STAU2: variants seen among roughly 807,000 people sequenced by gnomAD.
The protein encoded by STAU2 is double-stranded RNA-binding protein Staufen homolog 2.
In STAU2, 20 loss-of-function variants were observed where a neutral mutation model predicts 65.9. That is an observed-to-expected ratio of 0.30 (90% CI 0.21 to 0.44). STAU2 has a LOEUF of 0.44. Among genes scored for constraint, STAU2 ranks in the 20% least tolerant of loss-of-function variants. The pLI is 1.00. For synonymous variants in STAU2, 232 were observed against 233.9 expected (o/e 0.99, Z 0.07); for missense variants, 558 against 683.9 (o/e 0.82, Z 2.05).
At chr8:73,463,155 C>T (rs959038264) in intron 13 of STAU2, among the ~76,000 whole-genome samples, 1 of 152,148 alleles carries the variant, frequency 6.6e-6, no homozygotes, top group African/African-American at 2.4e-5. Context: ...TAGAAAGTGA[C>T]AAGATGAACA....
intron 12 of STAU2, among the ~76,000 whole-genome samples, chr8:73,566,274 T>C (rs1011042178): frequency 6.6e-6 from 1 of 152,224 alleles, no homozygotes; most frequent in African/African-American, 2.4e-5. Flanking sequence ...AATTTGACTA[T>C]TACTAAAGTT....
intron 13 of STAU2, among the ~76,000 whole-genome samples, chr8:73,443,479 A>G (rs1401531576): frequency 3.3e-5 from 5 of 152,220 alleles, no homozygotes; most frequent in African/African-American, 1.2e-4. Context: ...TGTAAGTAGT[A>G]GTCATAGTGT....
intron 6 of STAU2, among the ~76,000 whole-genome samples, chr8:73,654,664 A>AAAAAAAAAAAAAAAAAAAAAAC (rs1554556802): frequency 8.1e-6 from 1 of 122,986 alleles, no homozygotes; most frequent in East Asian, 2.3e-4. Flanking sequence ...AAAAAAAAGA[A>AAAAAAAAAAAAAAAAAAAAAAC]CTCTTTTAAT....
intron 6 of STAU2, among the ~76,000 whole-genome samples, chr8:73,666,614 C>A (rs1196472568): frequency 2.6e-5 from 4 of 152,150 alleles, no homozygotes; most frequent in Non-Finnish European, 5.9e-5. Flanking sequence ...CTTGACCAAC[C>A]TAGCTATAAG....
chr8:73,709,947 C>A (rs370675145), intron 3 of STAU2, among the ~76,000 whole-genome samples: 3 of 152,140 alleles, frequency 2.0e-5, no homozygotes, highest in African/African-American at 4.8e-5. Context: ...GTTCTCAAGA[C>A]TTTTACTTAT....
chr8:73,427,021 C>A (rs960143575), intron 13 of STAU2, among the ~76,000 whole-genome samples: 2 of 151,522 alleles, frequency 1.3e-5, no homozygotes, highest in South Asian at 4.2e-4. Flanking sequence ...CTCTGCCTCC[C>A]GGGTTCAAGC....
chr8:73,747,184 G>A (rs1354451805), upstream of STAU2: 1 of 553,480 alleles, frequency 1.8e-6, no homozygotes, highest in Non-Finnish European at 3.0e-6. Flanking sequence ...CGGGGGGCTT[G>A]GGCACGCGGG....
chr8:73,704,697 TCTCC>T (rs772183394), intron 4 of STAU2, among the ~76,000 whole-genome samples: 3 of 152,170 alleles, frequency 2.0e-5, no homozygotes, highest in East Asian at 3.9e-4. Flanking sequence ...TGAGATGGAG[TCTCC>T]CTCTGTCGCC....
intron 13 of STAU2, among the ~76,000 whole-genome samples, chr8:73,429,596 C>T (rs1817111679): frequency 6.6e-6 from 1 of 150,940 alleles, no homozygotes; most frequent in Non-Finnish European, 1.5e-5. Flanking sequence ...CCATACCTGG[C>T]TAAATTTTTT....
intron 3 of STAU2, among the ~76,000 whole-genome samples, chr8:73,715,022 A>C (rs1157813402): frequency 2.0e-5 from 3 of 151,818 alleles, no homozygotes; most frequent in African/African-American, 4.8e-5. Context: ...TGGTGGTTGC[A>C]AGTGGAACCA....
chr8:73,514,169 T>C (rs1166426647), intron 13 of STAU2, among the ~76,000 whole-genome samples: 1 of 152,202 alleles, frequency 6.6e-6, no homozygotes, highest in African/African-American at 2.4e-5. Context: ...CAGCTGGTCA[T>C]CAAGGCCTGC....
intron 12 of STAU2, among the ~76,000 whole-genome samples, chr8:73,552,725 C>G (rs181071871): frequency 6.6e-6 from 1 of 152,234 alleles, no homozygotes; most frequent in African/African-American, 2.4e-5. Flanking sequence ...TGAGGCACAT[C>G]AGGTAAAATA....
chr8:73,465,226 G>T (rs1819584797), intron 13 of STAU2, among the ~76,000 whole-genome samples: 1 of 152,188 alleles, frequency 6.6e-6, no homozygotes. Flanking sequence ...TAGCACTGGG[G>T]TGTCCTCTTC....
At chr8:73,537,157 A>G (rs1806234072) in intron 13 of STAU2, among the ~76,000 whole-genome samples, 1 of 152,212 alleles carries the variant, frequency 6.6e-6, no homozygotes, top group African/African-American at 2.4e-5. Context: ...ACTGAACTTG[A>G]AGATAGAAAA....
At chr8:73,655,374 G>A (rs1816273988) in intron 6 of STAU2, among the ~76,000 whole-genome samples, 1 of 151,982 alleles carries the variant, frequency 6.6e-6, no homozygotes. Context: ...CATAAATTCT[G>A]TTAAATACAA....
Position 73,617,353 on chromosome 8 carries a change from T to C in STAU2, c.509A>G (p.Asn170Ser), listed in dbSNP as rs1812904129. The C allele has an allele frequency of 1.2e-6, 2 of 1,614,054 alleles. No individual in the cohort carries two copies. The highest frequency in any genetic ancestry group is 1.3e-5 in the African/African-American group (1 of 74,922). The change falls in exon 7 of 15, where the codon AAT (asparagine) becomes AGT (serine). Residue 170 changes from asparagine (N) to serine (S), a missense_variant. Coordinates refer to ENST00000524300, the MANE Select transcript of STAU2 (RefSeq NM_001164380.2). ...TGCTTGGAGGGCTTTCATTGCAGCA[T>C]TGTGTCTAGCAGCTTGTCGAGTCTT... ...EGKTRQAARH[N>S]AAMKALQALQ...
intron 5 of STAU2, 74 bp from the exon 6 acceptor site, chr8:73,673,316 C>G: frequency 2.2e-6 from 3 of 1,375,048 alleles, no homozygotes; most frequent in Non-Finnish European, 2.9e-6. Context: ...TATATTTATA[C>G]AACGCTTAAA....
intron 3 of STAU2, among the ~76,000 whole-genome samples, chr8:73,714,432 C>A (rs970448320): frequency 2.0e-5 from 3 of 152,260 alleles, no homozygotes; most frequent in South Asian, 2.1e-4. Flanking sequence ...GCTGTCCAAG[C>A]AAAATTATCG....
chr8:73,729,041 G>A (rs1805852921), intron 3 of STAU2, among the ~76,000 whole-genome samples: 1 of 152,144 alleles, frequency 6.6e-6, no homozygotes, highest in South Asian at 2.1e-4. Flanking sequence ...TGAGTTGGAT[G>A]TTAGCTGTGG....
Sources: allele counts gnomAD v4.1 joint callset (sites outside exome capture counted in the v4.1 genomes callset), GRCh38; gene constraint gnomAD v4.1.1; transcripts MANE v1.5; gene names NCBI Gene and HGNC (gene_info 2026-07-23, HGNC 2026-07-21).